GCNA: variants seen among roughly 807,000 people sequenced by gnomAD.
The protein encoded by GCNA is germ cell nuclear acidic protein.
GCNA carries 3 observed loss-of-function variants against 38.8 expected under a neutral mutation model. That is an observed-to-expected ratio of 0.08 (90% CI 0.04 to 0.20). The LOEUF is 0.20. Ranked by LOEUF, GCNA falls within the 10% of genes least tolerant of loss-of-function variation. The pLI, the probability that GCNA is intolerant of heterozygous loss-of-function variation, is 1.00. For missense variants in GCNA, 446 were observed against 578.6 expected, an observed-to-expected ratio of 0.77 and a Z score of 2.35; for synonymous variants, 195 against 240.2, an observed-to-expected ratio of 0.81 and a Z score of 1.74.
chrX:71,595,208 T>TG (rs1457548600), intron 6 of GCNA, among the ~76,000 whole-genome samples: 2 of 111,964 alleles, frequency 1.8e-5, no homozygotes, highest in African/African-American at 6.5e-5. Context: ...GTGATTCTTC[T>TG]CCTCAGCCTC....
chrX:71,596,775 A>C (rs2040675166), intron 6 of GCNA, among the ~76,000 whole-genome samples: 1 of 111,533 alleles, frequency 9.0e-6, no homozygotes, highest in Non-Finnish European at 1.9e-5. Flanking sequence ...GCCTGTAGGC[A>C]GGGCTGATAA....
In GCNA at chrX:71,587,865, C is replaced by G. The variant is rs959690164; in HGVS notation, c.60-4257C>G. Among the ~76,000 whole-genome samples, 4 of 111,176 alleles carry G rather than the reference C, an allele frequency of 3.6e-5. 1 individual carries two copies. The South Asian group carries it at 1.5e-3, about 42-fold the overall frequency. On this transcript the variant is annotated intron_variant, in intron 2 of 12. Transcript: ENST00000373696. Reference sequence around the variant, plus strand: ...ACAATCTCAGCTCACTGCAAACTCACTGCAACCTCTGTCTCCTGGGTTCAA... The same window carrying G: ...ACAATCTCAGCTCACTGCAAACTCAGTGCAACCTCTGTCTCCTGGGTTCAA...
chrX:71,594,832 G>C, intron 6 of GCNA, 53 bp downstream of exon 6: 3 of 1,118,668 alleles, frequency 2.7e-6, no homozygotes, highest in Non-Finnish European at 3.6e-6. Context: ...TTAAATTAAG[G>C]GGGGAAAAAC....
intron 2 of GCNA, among the ~76,000 whole-genome samples, chrX:71,583,692 C>CTTTTTTTTTTTTTTTTTTTTTTTTTT (rs753557808): frequency 1.4e-5 from 1 of 72,659 alleles, no homozygotes. Flanking sequence ...CTATTATATT[C>CTTTTTTTTTTTTTTTTTTTTTTTTTT]TTTTTTTTTT....
intron 2 of GCNA, among the ~76,000 whole-genome samples, chrX:71,587,332 A>T (rs1454275951): frequency 2.7e-5 from 3 of 109,700 alleles, no homozygotes; most frequent in Non-Finnish European, 5.7e-5. Flanking sequence ...GGAAGGAGGG[A>T]TTGGCACTTC....
chrX:71,589,450 C>CTTTTTTTTTTTT (rs371046758), intron 2 of GCNA, among the ~76,000 whole-genome samples: 1 of 37,696 alleles, frequency 2.7e-5, no homozygotes. Context: ...CATATATTTC[C>CTTTTTTTTTTTT]TTTTTTTTTT....
Position 71,598,118 on chromosome X carries a change from G to A in GCNA, c.310+80G>A, listed in dbSNP as rs372784636. 35 of 714,824 alleles carry A rather than the reference G, an allele frequency of 4.9e-5. 1 individual carries two copies. The highest frequency in any genetic ancestry group is 3.0e-4 in the Middle Eastern group (1 of 3,346). 58.9% of individuals were successfully genotyped at this position (714,824 alleles called of 1,213,427 possible). ...CGTGGTACTTTCAGGATCAGAGTCC[G>A]CAGACTTTCTATTCAGAATCCCTCA... On this transcript the variant is annotated intron_variant, in intron 7 of 12. Transcript: ENST00000373696.
intron 2 of GCNA, among the ~76,000 whole-genome samples, chrX:71,587,867 G>C (rs938638346): frequency 2.7e-5 from 3 of 110,851 alleles, no homozygotes; most frequent in African/African-American, 9.9e-5. Flanking sequence ...CAAACTCACT[G>C]CAACCTCTGT....
intron 10 of GCNA, among the ~76,000 whole-genome samples, chrX:71,610,411 C>T (rs769530612): frequency 7.1e-4 from 79 of 111,786 alleles, no homozygotes; most frequent in Non-Finnish European, 1.1e-3. Context: ...GTCAGGAGTT[C>T]GAGACCAGCC....
At position 71,592,562 on chromosome X, in the gene GCNA, A is replaced by G; in HGVS notation, c.132A>G (p.Arg44=). 1.2e-5 allele frequency: 13 copies of G among 1,127,962 alleles called. No individual in the cohort carries two copies. Among genetic ancestry groups the G allele is most frequent in the Non-Finnish European group, 1.5e-5 (13 of 863,130 alleles). The allele number at this position is 1,127,962 out of a possible 1,213,427, so 93.0% of individuals were successfully genotyped here. A position where few individuals can be genotyped will look rare whatever the true frequency, so the allele number is the denominator to read the frequency against. ...CTGTGGCCAGAAGAGCTCCGAAGAG[A>G]CAGGCGAGGTGAGTAGGAGAATTAA... ...GSSVARRAPK[R]QASCILNVQS... Residue 44 remains arginine (R), a synonymous_variant, in exon 4 of 13, where the codon AGA becomes AGG. Coordinates refer to ENST00000373696, the MANE Select transcript of GCNA (RefSeq NM_052957.5).
rs2040720976 is a variant in GCNA, at chrX:71,602,180, G to A, written c.311-1408G>A. On this transcript the variant is annotated intron_variant, in intron 7 of 12. Transcript: ENST00000373696. ...TGGGGTGAGATGATACCTCATTGTA[G>A]GTTTTGTTTTTTGTTTTTTGTTTTG... Among the ~76,000 whole-genome samples the A allele has an allele frequency of 2.7e-5, 3 of 111,433 alleles. 1 individual carries two copies. In the Admixed American group the frequency reaches 2.9e-4, roughly 11 times the overall value.
chrX:71,587,405 G>A (rs1602169348), intron 2 of GCNA, among the ~76,000 whole-genome samples: 1 of 110,929 alleles, frequency 9.0e-6, no homozygotes, highest in East Asian at 2.8e-4. Context: ...TCATTGATAA[G>A]CCTAATTGGT....
intron 6 of GCNA, among the ~76,000 whole-genome samples, chrX:71,595,941 C>T (rs778275180): frequency 2.1e-3 from 240 of 112,460 alleles, no homozygotes; most frequent in African/African-American, 7.3e-3. Flanking sequence ...GCAGGCCGGG[C>T]ACAGTGGCTC....
At chrX:71,609,207 C>A in intron 10 of GCNA, 90 bp downstream of exon 10, 1 of 937,562 alleles carries the variant, frequency 1.1e-6, no homozygotes, top group Non-Finnish European at 1.5e-6. Context: ...ATACTTCCTG[C>A]CCTTGAGCAG....
intron 2 of GCNA, among the ~76,000 whole-genome samples, chrX:71,590,288 C>G (rs1279577897): frequency 8.9e-6 from 1 of 111,762 alleles, no homozygotes; most frequent in Non-Finnish European, 1.9e-5. Context: ...GGGTGGGGCT[C>G]TCTGTCATGT....
chrX:71,585,342 A>G (rs755178120), intron 2 of GCNA, among the ~76,000 whole-genome samples: 1 of 110,182 alleles, frequency 9.1e-6, no homozygotes, highest in Non-Finnish European at 1.9e-5. Context: ...AACAAAGCAA[A>G]AGGTCAAATT....
intron 9 of GCNA, 144 bp downstream of exon 9, chrX:71,605,873 G>C (rs2040765826): frequency 4.6e-6 from 2 of 437,418 alleles, no homozygotes; most frequent in African/African-American, 2.4e-5. Flanking sequence ...TTCTGTCCTT[G>C]AGTAGGAGGG....
chrX:71,584,600 C>T (rs2040570961), intron 2 of GCNA, among the ~76,000 whole-genome samples: 1 of 111,756 alleles, frequency 8.9e-6, no homozygotes, highest in South Asian at 3.8e-4. Flanking sequence ...AGCGGTGGCT[C>T]ACGCCTGTAA....
Position 71,598,033 on chromosome X carries a change from G to A in GCNA, c.305G>A (p.Ser102Asn). Residue 102 changes from serine to asparagine, a missense_variant, in exon 7 of 13, where the codon AGC becomes AAC. By Grantham distance (46) the Ser-to-Asn change is conservative. Transcript: ENST00000373696. Reference sequence around the variant, plus strand: ...AAAGCTAAGTTATTGGAAATAAACAGCGACGGCAAGTATATATTACTTTGT... The same window carrying A: ...AAAGCTAAGTTATTGGAAATAAACAACGACGGCAAGTATATATTACTTTGT... ...EKKAKLLEIN[S>N]DDESPECCHV... The A allele has an allele frequency of 4.2e-6, 5 of 1,194,882 alleles. No homozygotes were observed. Among genetic ancestry groups the A allele is most frequent in the Non-Finnish European group, 5.7e-6 (5 of 880,386 alleles).
Sources: gnomAD v4.1 joint callset for allele counts (sites outside exome capture counted in the v4.1 genomes callset) on GRCh38, gnomAD v4.1.1 for gene constraint, MANE v1.5 for transcripts, NCBI Gene and HGNC (gene_info 2026-07-23, HGNC 2026-07-21) for gene names.